Variants in MC2R observed in about 807,000 individuals in gnomAD.
The protein encoded by MC2R is adrenocorticotropic hormone receptor.
Under a neutral mutation model 9.8 loss-of-function variants are expected in MC2R, and 9 were observed. That is an observed-to-expected ratio of 0.92 (90% CI 0.55 to 1.60). MC2R has a LOEUF of 1.60. MC2R is among the 40% of genes most tolerant of loss of function. The pLI is 0.00. For synonymous variants in MC2R, 185 were observed against 154.7 expected (o/e 1.20, Z -1.45); for missense variants, 370 against 389.0 (o/e 0.95, Z 0.41).
intron 1 of MC2R, among the ~76,000 whole-genome samples, chr18:13,904,846 T>G (rs1293823687): frequency 6.6e-6 from 1 of 152,130 alleles, no homozygotes. Context: ...GCTAGCCATA[T>G]GCAAAAAAAC....
At position 13,884,476 on chromosome 18, in the gene MC2R, G is replaced by C. The variant is rs1010171776; in HGVS notation, c.*149C>G. On this transcript the variant is annotated 3_prime_UTR_variant, in exon 2 of 2. Transcript: ENST00000327606. ...AATAAGACTGTTCACATAGAACCTA[G>C]CTATTAGAAACACTAGCTGGTGGGA... 1.2e-6 allele frequency: 1 copy of C among 842,688 alleles called. No homozygotes were observed. Among genetic ancestry groups the C allele is most frequent in the Non-Finnish European group, 2.0e-6 (1 of 508,450 alleles). The allele number at this position is 842,688 out of a possible 1,614,324, so 52.2% of individuals were successfully genotyped here. A position where few individuals can be genotyped will look rare whatever the true frequency, so the allele number is the denominator to read the frequency against.
intron 1 of MC2R, among the ~76,000 whole-genome samples, chr18:13,905,027 G>A (rs1348504550): frequency 1.3e-5 from 2 of 152,158 alleles, no homozygotes; most frequent in Non-Finnish European, 2.9e-5. Flanking sequence ...AAAAGCCACA[G>A]TTGACAAATG....
chr18:13,884,440 G>A lies in MC2R; in HGVS notation c.*185C>T, dbSNP rs2045258343. ...ATCTGTCCAGTCACAAAGTTAAGAG[G>A]TTGCCCCTACAATAAGACTGTTCAC... is the stretch of plus-strand genomic sequence containing the variant. On this transcript the variant is annotated 3_prime_UTR_variant, in exon 2 of 2. Transcript: ENST00000327606. 1 of 670,010 alleles carries A rather than the reference G, an allele frequency of 1.5e-6. No homozygotes were observed. The highest frequency in any genetic ancestry group is 1.8e-5 in the African/African-American group (1 of 56,232). 41.5% of individuals were successfully genotyped at this position (670,010 alleles called of 1,614,324 possible). A position where few individuals can be genotyped will look rare whatever the true frequency, so the allele number is the denominator to read the frequency against.
At chr18:13,904,469 T>C (rs909992686) in intron 1 of MC2R, among the ~76,000 whole-genome samples, 1 of 151,544 alleles carries the variant, frequency 6.6e-6, no homozygotes, top group African/African-American at 2.4e-5. Context: ...ATGGAAAGCC[T>C]TTCCTCTAAG....
chr18:13,900,521 T>C (rs949199488), intron 1 of MC2R, among the ~76,000 whole-genome samples: 2 of 151,732 alleles, frequency 1.3e-5, no homozygotes, highest in Non-Finnish European at 2.9e-5. Context: ...ACTTCACCTA[T>C]AAAGACACAC....
intron 1 of MC2R, among the ~76,000 whole-genome samples, chr18:13,886,304 G>C (rs183112378): frequency 3.3e-5 from 5 of 152,334 alleles, no homozygotes; most frequent in Non-Finnish European, 7.3e-5. Flanking sequence ...AGCTTTAGTG[G>C]AATTTTGAGC....
In MC2R at chr18:13,884,593, C is replaced by T. The variant is rs760182439; in HGVS notation, c.*32G>A. On this transcript the variant is annotated 3_prime_UTR_variant, in exon 2 of 2. Coordinates refer to ENST00000327606, the MANE Select transcript of MC2R (RefSeq NM_000529.2). ...TATTCTGGCACTTGGCAACGTTATT[C>T]CCATGGATTCTAAAACCAGGGATCA... 1.2e-6 allele frequency: 2 copies of T among 1,607,684 alleles called. No individual in the cohort carries two copies. Among genetic ancestry groups the T allele is most frequent in the South Asian group, 1.1e-5 (1 of 90,950 alleles).
intron 1 of MC2R, among the ~76,000 whole-genome samples, chr18:13,905,984 T>C (rs2045411935): frequency 6.6e-6 from 1 of 152,132 alleles, no homozygotes; most frequent in Admixed American, 6.5e-5. Flanking sequence ...TGAATCCTTG[T>C]CTTGTTCCAG....
intron 1 of MC2R, among the ~76,000 whole-genome samples, chr18:13,901,521 A>C (rs1402846049): frequency 6.6e-6 from 1 of 151,996 alleles, no homozygotes; most frequent in East Asian, 1.9e-4. Context: ...AAAAGAGAGA[A>C]GATATAAATA....
chr18:13,913,610 A>G (rs1247728023), intron 1 of MC2R, among the ~76,000 whole-genome samples: 1 of 152,164 alleles, frequency 6.6e-6, no homozygotes, highest in Non-Finnish European at 1.5e-5. Context: ...GGACTCCACC[A>G]CACTTTAAGG....
chr18:13,898,583 G>A (rs1414404908), intron 1 of MC2R, among the ~76,000 whole-genome samples: 4 of 152,230 alleles, frequency 2.6e-5, no homozygotes, highest in African/African-American at 9.6e-5. Context: ...TGAGTGCTGT[G>A]CTGGCTTTGG....
intron 1 of MC2R, among the ~76,000 whole-genome samples, chr18:13,893,935 G>A (rs544625510): frequency 6.6e-6 from 1 of 152,348 alleles, no homozygotes; most frequent in South Asian, 2.1e-4. Context: ...GTTCACCAGA[G>A]GGATGGCCTA....
chr18:13,889,810 G>A (rs2149136674), intron 1 of MC2R, among the ~76,000 whole-genome samples: 1 of 152,204 alleles, frequency 6.6e-6, no homozygotes, highest in South Asian at 2.1e-4. Context: ...TGCATGGTGG[G>A]TCTCATTTTA....
Position 13,885,180 on chromosome 18 carries a change from G to T in MC2R, c.339C>A (p.Ser113=), listed in dbSNP as rs2045267639. 3.1e-6 allele frequency: 5 copies of T among 1,614,056 alleles called. No homozygotes were observed. In the African/African-American group the frequency reaches 6.7e-5, roughly 22 times the overall value. The change falls in exon 2 of 2, where the codon TCC becomes TCA. Residue 113 remains serine, a synonymous_variant. Transcript: ENST00000327606. ...ACAGGCTGAAGATGGAGCCAAGCAG[G>T]GAGAGGACAAACAGGGAGTCGATGA... is the stretch of plus-strand genomic sequence containing the variant. ...DDIIDSLFVL[S]LLGSIFSLSV...
chr18:13,890,779 T>C (rs2045311308), intron 1 of MC2R, among the ~76,000 whole-genome samples: 1 of 152,192 alleles, frequency 6.6e-6, no homozygotes, highest in African/African-American at 2.4e-5. Flanking sequence ...CATCGCCACC[T>C]TCAGAAGTCC....
chr18:13,888,543 C>A (rs1394286842), intron 1 of MC2R, among the ~76,000 whole-genome samples: 1 of 152,216 alleles, frequency 6.6e-6, no homozygotes, highest in Non-Finnish European at 1.5e-5. Context: ...CAGAGCCCGC[C>A]TTGTGACCAC....
intron 1 of MC2R, among the ~76,000 whole-genome samples, chr18:13,907,128 A>C (rs953326805): frequency 1.6e-4 from 24 of 152,218 alleles, no homozygotes; most frequent in South Asian, 1.0e-3. Flanking sequence ...AATTTACTAC[A>C]AACACGTAGT....
intron 1 of MC2R, among the ~76,000 whole-genome samples, chr18:13,905,672 G>A (rs951629781): frequency 3.9e-5 from 6 of 152,192 alleles, no homozygotes; most frequent in African/African-American, 1.4e-4. Context: ...TTCAACCATT[G>A]TGAAAGACAG....
rs1173627744 is a variant in MC2R, at chr18:13,915,271, G to T, written c.-129+217C>A. On this transcript the variant is annotated intron_variant, in intron 1 of 1. Transcript: ENST00000327606. ...AGCCAATAAATTCATTAATAGGGAA[G>T]ATTGTTTTAGCTAGACAAAAAGGTA... Among the ~76,000 whole-genome samples the T allele has an allele frequency of 2.0e-5, 3 of 152,176 alleles. No individual in the cohort carries two copies. The East Asian group carries it at 5.8e-4, about 29-fold the overall frequency.
Sources: allele counts gnomAD v4.1 joint callset (sites outside exome capture counted in the v4.1 genomes callset), GRCh38; gene constraint gnomAD v4.1.1; transcripts MANE v1.5; gene names NCBI Gene and HGNC (gene_info 2026-07-23, HGNC 2026-07-21).